VPS13C: variants seen among roughly 807,000 people sequenced by gnomAD.
VPS13C encodes the protein intermembrane lipid transfer protein VPS13C.
A neutral mutation model predicts 456.8 loss-of-function variants in VPS13C; 358 were observed. The ratio of observed to expected loss-of-function variants is 0.78; its 90% CI spans 0.72 to 0.86. VPS13C has a LOEUF of 0.86. Among genes scored for constraint, VPS13C ranks in the 40% least tolerant of loss-of-function variants. The pLI, the probability that VPS13C is intolerant of heterozygous loss-of-function variation, is 0.00. For missense variants in VPS13C, 4,818 were observed against 4,385.4 expected (o/e 1.10, Z -2.79); for synonymous variants, 1,578 against 1,486.7 (o/e 1.06, Z -1.41).
intron 3 of VPS13C, among the ~76,000 whole-genome samples, 167 bp downstream of exon 3, chr15:62,041,157 G>A (rs963639570): frequency 3.9e-5 from 6 of 151,918 alleles, no homozygotes; most frequent in South Asian, 2.1e-4. Flanking sequence ...AAGTATGTAC[G>A]TTTTATATAT....
intron 8 of VPS13C, among the ~76,000 whole-genome samples, chr15:62,022,509 G>T (rs567047308): frequency 6.6e-6 from 1 of 151,822 alleles, no homozygotes; most frequent in Admixed American, 6.6e-5. Context: ...TTATGAGTGA[G>T]GTTTTTTTAA....
Position 61,888,228 on chromosome 15 carries a change from C to G in VPS13C, c.9341+1937G>C, listed in dbSNP as rs547936727. ...GCAAGGATGTGGAGCAACAGGAACT[C>G]CCATTTATTGCTAGTGGGAATGCAA... On this transcript the variant is annotated intron_variant, in intron 67 of 84. Coordinates refer to ENST00000644861, the MANE Select transcript of VPS13C (RefSeq NM_020821.3). 2.6e-5 allele frequency among the ~76,000 whole-genome samples: 4 copies of G among 152,258 alleles called. No individual in the cohort carries two copies. The East Asian group carries it at 5.8e-4, about 22-fold the overall frequency.
intron 78 of VPS13C, among the ~76,000 whole-genome samples, chr15:61,872,675 C>G (rs1451673704): frequency 6.6e-5 from 10 of 151,982 alleles, no homozygotes; most frequent in Non-Finnish European, 1.2e-4. Context: ...AGAAAGAGAA[C>G]TGATGGATAC....
At chr15:62,023,284 A>G in intron 8 of VPS13C, 127 bp downstream of exon 8, 1 of 503,664 alleles carries the variant, frequency 2.0e-6, no homozygotes, top group South Asian at 3.7e-5. Flanking sequence ...AGGATATGGT[A>G]GTGTACTCAT....
intron 6 of VPS13C, among the ~76,000 whole-genome samples, chr15:62,024,805 A>G (rs1051825360): frequency 1.7e-4 from 26 of 152,152 alleles, no homozygotes; most frequent in Admixed American, 1.5e-3. Context: ...TACAGAAATA[A>G]TATTTCTACT....
intron 40 of VPS13C, 115 bp downstream of exon 40, chr15:61,950,830 A>C (rs565145595): frequency 4.2e-6 from 3 of 711,236 alleles, no homozygotes; most frequent in Admixed American, 3.5e-5. Context: ...AATTCACCAT[A>C]ATCAATAAGT....
chr15:61,994,740 C>T (rs1349215935), intron 16 of VPS13C, among the ~76,000 whole-genome samples: 7 of 151,992 alleles, frequency 4.6e-5, no homozygotes. Flanking sequence ...CATGTGTGTG[C>T]CACCACACCC....
At chr15:61,944,295 A>G (rs926155584) in intron 45 of VPS13C, among the ~76,000 whole-genome samples, 4 of 152,206 alleles carry the variant, frequency 2.6e-5, no homozygotes, top group Non-Finnish European at 4.4e-5. Flanking sequence ...GTATATAACC[A>G]AAAGAAAATA....
intron 13 of VPS13C, among the ~76,000 whole-genome samples, chr15:62,009,185 G>C (rs1231625920): frequency 6.6e-6 from 1 of 152,134 alleles, no homozygotes; most frequent in Non-Finnish European, 1.5e-5. Context: ...CATTTCAGCA[G>C]TAGCTGTCTA....
At chr15:61,986,035 C>G (rs1186062117) in intron 18 of VPS13C, among the ~76,000 whole-genome samples, 1 of 151,732 alleles carries the variant, frequency 6.6e-6, no homozygotes, top group Non-Finnish European at 1.5e-5. Context: ...AGCACAGCAT[C>G]AAATCATCTC....
intron 55 of VPS13C, 57 bp downstream of exon 55, chr15:61,921,890 C>T: frequency 6.5e-7 from 1 of 1,548,700 alleles, no homozygotes; most frequent in Non-Finnish European, 8.9e-7. Context: ...GAAATAAAAA[C>T]TATGAATGAA....
intron 81 of VPS13C, 77 bp from the exon 82 acceptor site, chr15:61,863,605 T>C (rs750412187): frequency 2.0e-4 from 182 of 897,976 alleles, no homozygotes; most frequent in Non-Finnish European, 2.0e-4. Context: ...ATTAGCTAAT[T>C]ATAATAATAG....
intron 47 of VPS13C, 36 bp from the exon 48 acceptor site, chr15:61,936,786 T>C (rs2044241607): frequency 1.3e-6 from 2 of 1,557,668 alleles, no homozygotes; most frequent in East Asian, 2.2e-5. Flanking sequence ...CTCTAAGTAA[T>C]AAAAAAAATG....
At chr15:61,888,319 A>T (rs935245676) in intron 67 of VPS13C, among the ~76,000 whole-genome samples, 3 of 152,210 alleles carry the variant, frequency 2.0e-5, no homozygotes, top group African/African-American at 7.2e-5. Context: ...CTTTTATCAT[A>T]TGATCCAGCA....
In VPS13C at chr15:61,922,700, T is replaced by G. The variant is rs761885954; in HGVS notation, c.6672A>C (p.Lys2224Asn). The G allele has an allele frequency of 4.3e-6, 7 of 1,613,932 alleles. No individual in the cohort carries two copies. The highest frequency in any genetic ancestry group is 5.9e-6 in the Non-Finnish European group (7 of 1,179,890). Residue 2224 changes from lysine to asparagine, a missense_variant, in exon 54 of 85, where the codon AAA becomes AAC. Lys to Asn is a moderately conservative substitution (Grantham distance 94, BLOSUM62 0). Coordinates refer to ENST00000644861, the MANE Select transcript of VPS13C (RefSeq NM_020821.3). ...TAGACGTATCTTTGGATCCATCTTC[T>G]TTTGTTTTTGGAGACAATGCAGCCA... ...TIMAALSPKT[K>N]EDGSKDTSKE...
In VPS13C at chr15:61,927,324, A is replaced by G; in HGVS notation, c.6287-4T>C. 2 of 1,609,942 alleles carry G rather than the reference A, an allele frequency of 1.2e-6. No homozygotes were observed. The highest frequency in any genetic ancestry group is 2.2e-5 in the East Asian group (1 of 44,832). ...ATATTTGGTCTAACAGAGTCATCTG[A>G]AGAAACAAGCAACAGGAACCAGAAA... On this transcript the variant is annotated splice_polypyrimidine_tract_variant and splice_region_variant and intron_variant, in intron 51 of 84. Coordinates refer to ENST00000644861, the MANE Select transcript of VPS13C (RefSeq NM_020821.3).
chr15:62,028,043 A>G (rs2047695607), intron 6 of VPS13C, among the ~76,000 whole-genome samples: 1 of 152,084 alleles, frequency 6.6e-6, no homozygotes, highest in African/African-American at 2.4e-5. Flanking sequence ...AACTAAACTC[A>G]AAAGAGTAGC....
intron 29 of VPS13C, 73 bp from the exon 30 acceptor site, chr15:61,966,215 G>A: frequency 9.8e-7 from 1 of 1,018,662 alleles, no homozygotes; most frequent in African/African-American, 1.7e-5. Flanking sequence ...TATTATCTCT[G>A]GTTAATTTAT....
At chr15:61,980,231 C>T (rs1049726120) in intron 22 of VPS13C, among the ~76,000 whole-genome samples, 1 of 114,428 alleles carries the variant, frequency 8.7e-6, no homozygotes, top group Non-Finnish European at 1.8e-5. Context: ...AGAGATGAAA[C>T]ATGGCTTTCC....
Sources: gnomAD v4.1 joint callset for allele counts (sites outside exome capture counted in the v4.1 genomes callset) on GRCh38, gnomAD v4.1.1 for gene constraint, MANE v1.5 for transcripts, NCBI Gene and HGNC (gene_info 2026-07-23, HGNC 2026-07-21) for gene names.